The following TXLNB variants were observed in gnomAD, a reference collection of about 807,000 sequenced individuals.
TXLNB encodes taxilin beta, also known as beta-taxilin.
A neutral mutation model predicts 57.4 loss-of-function variants in TXLNB; 37 were observed. The ratio of observed to expected loss-of-function variants is 0.64; its 90% CI spans 0.50 to 0.85. The LOEUF is 0.85. Ranked by LOEUF, TXLNB falls within the 40% of genes least tolerant of loss-of-function variation. The pLI, the probability that TXLNB is intolerant of heterozygous loss-of-function variation, is 0.00. For synonymous variants in TXLNB, 302 were observed against 309.6 expected, an observed-to-expected ratio of 0.98 and a Z score of 0.26; for missense variants, 848 against 825.6, an observed-to-expected ratio of 1.03 and a Z score of -0.33.
the TXLNB span, among the ~76,000 whole-genome samples, chr6:139,212,746 G>A: frequency 6.6e-6 from 1 of 152,118 alleles, no homozygotes; most frequent in East Asian, 1.9e-4. Flanking sequence ...CTCACATGCA[G>A]AGACACATAT....
At chr6:139,186,394 C>T in the TXLNB span, among the ~76,000 whole-genome samples, 1 of 152,218 alleles carries the variant, frequency 6.6e-6, no homozygotes, top group South Asian at 2.1e-4. Flanking sequence ...GGAATGATGA[C>T]ACATAAGGTA....
chr6:139,226,178 G>T, the TXLNB span, among the ~76,000 whole-genome samples: 1 of 151,474 alleles, frequency 6.6e-6, no homozygotes, highest in African/African-American at 2.4e-5. Flanking sequence ...CGTGCCTGTA[G>T]TCCCAGCTAC....
At chr6:139,295,876 C>T (rs574387334), upstream of TXLNB, among the ~76,000 whole-genome samples, 8 of 152,210 alleles carry the variant, frequency 5.3e-5, no homozygotes, top group African/African-American at 1.9e-4. Flanking sequence ...ATTTCTTTTT[C>T]TTTTCATTTG....
the TXLNB span, chr6:139,166,400 C>T: frequency 6.2e-7 from 1 of 1,614,096 alleles, no homozygotes; most frequent in Non-Finnish European, 8.5e-7. Flanking sequence ...CACCTGGATG[C>T]ACCTGCAGTG....
At chr6:139,244,938 G>GT (rs1300494737) in intron 8 of TXLNB, among the ~76,000 whole-genome samples, 1 of 152,184 alleles carries the variant, frequency 6.6e-6, no homozygotes, top group African/African-American at 2.4e-5. Flanking sequence ...GGGGCACATG[G>GT]TTTTGTCACT....
Position 139,288,751 on chromosome 6 carries a change from C to T in TXLNB, c.149G>A (p.Ser50Asn). 9 of 1,614,226 alleles carry T rather than the reference C, an allele frequency of 5.6e-6. No individual in the cohort carries two copies. The highest frequency in any genetic ancestry group is 7.6e-6 in the Non-Finnish European group (9 of 1,180,040). The stretch of plus-strand genomic sequence containing the variant: ...CTCTTCAGAGATATCGGGGTGCACA[C>T]TTGCCTCTTTCTCTGGTGGTTGGAC... Reference protein sequence around the residue: ...TPVQPPEKEASVHPDISEELN... With the variant: ...TPVQPPEKEANVHPDISEELN... The change falls in exon 2 of 10, where the codon AGT becomes AAT. Residue 50 changes from serine (S) to asparagine (N), a missense_variant. Coordinates refer to ENST00000358430, the MANE Select transcript of TXLNB (RefSeq NM_153235.4).
the TXLNB span, among the ~76,000 whole-genome samples, chr6:139,317,843 T>A: frequency 6.6e-6 from 1 of 152,298 alleles, no homozygotes; most frequent in East Asian, 1.9e-4. Context: ...ATCAGATGAC[T>A]GAGGCAACAG....
the TXLNB span, chr6:139,179,097 A>C: frequency 1.3e-5 from 2 of 152,224 alleles, no homozygotes; most frequent in African/African-American, 2.4e-5. Context: ...TGATGCAACT[A>C]AAAGAGGATT....
chr6:139,270,217 C>T (rs1776722701), intron 4 of TXLNB, among the ~76,000 whole-genome samples: 1 of 152,162 alleles, frequency 6.6e-6, no homozygotes, highest in Non-Finnish European at 1.5e-5. Flanking sequence ...CTTACCTATT[C>T]AACTTCATCT....
At chr6:139,283,640 A>G (rs1330071771) in intron 2 of TXLNB, among the ~76,000 whole-genome samples, 1 of 145,372 alleles carries the variant, frequency 6.9e-6, no homozygotes, top group Non-Finnish European at 1.5e-5. Context: ...GAAATGATGG[A>G]AACTATGCCC....
the TXLNB span, among the ~76,000 whole-genome samples, chr6:139,189,814 G>T: frequency 2.0e-5 from 3 of 152,160 alleles, no homozygotes; most frequent in African/African-American, 4.8e-5. Flanking sequence ...CACTCAGATG[G>T]GGGATACAGA....
At chr6:139,244,003 C>T (rs913952301) in intron 9 of TXLNB, among the ~76,000 whole-genome samples, 5 of 151,516 alleles carry the variant, frequency 3.3e-5, no homozygotes, top group African/African-American at 9.7e-5. Context: ...TTCCCCCACT[C>T]GTTATACATG....
the TXLNB span, among the ~76,000 whole-genome samples, chr6:139,216,406 A>G: frequency 4.8e-5 from 7 of 144,846 alleles, no homozygotes; most frequent in African/African-American, 1.8e-4. Context: ...GTTCTCACTC[A>G]TAGGTGGGAA....
the TXLNB span, among the ~76,000 whole-genome samples, chr6:139,171,052 G>C: frequency 6.6e-6 from 1 of 152,126 alleles, no homozygotes; most frequent in African/African-American, 2.4e-5. Context: ...GAAAGGGCCT[G>C]GTTTTGCGGG....
the TXLNB span, among the ~76,000 whole-genome samples, chr6:139,162,811 A>C: frequency 6.6e-6 from 1 of 152,208 alleles, no homozygotes; most frequent in African/African-American, 2.4e-5. Flanking sequence ...GTTGTTGAGT[A>C]GAGGAGTCAC....
At chr6:139,313,339 T>C in the TXLNB span, among the ~76,000 whole-genome samples, 5 of 152,210 alleles carry the variant, frequency 3.3e-5, no homozygotes, top group African/African-American at 1.2e-4. Context: ...CCCAAAGTGT[T>C]GGGATTACAG....
chr6:139,187,735 C>A, the TXLNB span, among the ~76,000 whole-genome samples: 1 of 152,150 alleles, frequency 6.6e-6, no homozygotes, highest in African/African-American at 2.4e-5. Flanking sequence ...GGTCATTCAT[C>A]ATAGTGTGGC....
chr6:139,216,391 C>T, the TXLNB span, among the ~76,000 whole-genome samples: 15 of 148,236 alleles, frequency 1.0e-4, no homozygotes, highest in East Asian at 2.0e-4. Context: ...AACCAAACAC[C>T]GCGTGTTCTC....
the TXLNB span, chr6:139,180,737 T>C: frequency 6.6e-6 from 1 of 152,654 alleles, no homozygotes; most frequent in South Asian, 2.1e-4. Flanking sequence ...TGGAATTGTG[T>C]GTGGTTTTAG....
Sources: allele counts gnomAD v4.1 joint callset (sites outside exome capture counted in the v4.1 genomes callset), GRCh38; gene constraint gnomAD v4.1.1; transcripts MANE v1.5; gene names NCBI Gene and HGNC (gene_info 2026-07-23, HGNC 2026-07-21).